FECH: variants seen among roughly 807,000 people sequenced by gnomAD.
The protein encoded by FECH is ferrochelatase, also known as ferrochelatase, mitochondrial.
FECH carries 40 observed loss-of-function variants against 56.9 expected under a neutral mutation model. The observed-to-expected ratio is 0.70, with a 90% confidence interval of 0.55 to 0.92. The LOEUF is 0.92. FECH is among the 40% of genes least tolerant of loss of function. FECH has a pLI of 0.00. For missense variants in FECH, 431 were observed against 529.1 expected (o/e 0.81, Z 1.82); for synonymous variants, 175 against 198.6 (o/e 0.88, Z 1.00).
At position 57,546,827 on chromosome 18, in the gene FECH, C is replaced by T. The variant is rs1322093610; in HGVS notation, c.*3885G>A. 3.9e-5 allele frequency among the ~76,000 whole-genome samples: 6 copies of T among 151,904 alleles called. No homozygotes were observed. The highest frequency in any genetic ancestry group is 1.2e-4 in the African/African-American group (5 of 41,344). Reference sequence around the variant, plus strand: ...TACAAAAATTAGCCGGGCATGGTGGCACACGCCTGAGTAGCCCAGCTACTC... The same window carrying T: ...TACAAAAATTAGCCGGGCATGGTGGTACACGCCTGAGTAGCCCAGCTACTC... On this transcript the variant is annotated 3_prime_UTR_variant, in exon 11 of 11. Coordinates refer to ENST00000262093, the MANE Select transcript of FECH (RefSeq NM_000140.5).
At chr18:57,551,489 G>T in intron 9 of FECH, 115 bp from the exon 10 acceptor site, 2 of 812,578 alleles carry the variant, frequency 2.5e-6, no homozygotes, top group Non-Finnish European at 4.1e-6. Context: ...ACAATTCAAA[G>T]TCTGACTTCA....
chr18:57,564,627 A>T (rs1200017798), intron 5 of FECH, among the ~76,000 whole-genome samples: 2 of 152,212 alleles, frequency 1.3e-5, no homozygotes, highest in Admixed American at 6.5e-5. Flanking sequence ...AAAAAGATAA[A>T]CAGGTTCAAT....
chr18:57,576,322 G>A (rs117214296), intron 2 of FECH, among the ~76,000 whole-genome samples: 12 of 152,278 alleles, frequency 7.9e-5, no homozygotes, highest in East Asian at 1.9e-4. Flanking sequence ...TTCCATGCTC[G>A]AGTCCTACAA....
At position 57,546,723 on chromosome 18, in the gene FECH, G is replaced by A. The variant is rs2050725303; in HGVS notation, c.*3989C>T. The stretch of plus-strand genomic sequence containing the variant: ...CGCCTGTAATCCCAACACTTTCAGA[G>A]GCTGAGGCGGGTGGATCACGAGGTC... On this transcript the variant is annotated 3_prime_UTR_variant, in exon 11 of 11. Transcript: ENST00000262093. Among the ~76,000 whole-genome samples, 1 of 151,828 alleles carries A rather than the reference G, an allele frequency of 6.6e-6. No homozygotes were observed. The highest frequency in any genetic ancestry group is 1.5e-5 in the Non-Finnish European group (1 of 67,958).
chr18:57,560,037 T>A (rs2050921987), intron 6 of FECH, among the ~76,000 whole-genome samples: 1 of 152,204 alleles, frequency 6.6e-6, no homozygotes, highest in Admixed American at 6.5e-5. Flanking sequence ...TCTCTGTCAT[T>A]TAGCTTATAA....
In FECH at chr18:57,544,946, T is replaced by C. The variant is rs1296267874; in HGVS notation, c.*5766A>G. Among the ~76,000 whole-genome samples, 1 of 152,264 alleles carries C rather than the reference T, an allele frequency of 6.6e-6. No individual in the cohort carries two copies. The highest frequency in any genetic ancestry group is 1.9e-4 in the East Asian group (1 of 5,204). ...AATTGGTTCACAAGCCAACATGCCA[T>C]GTGCCTGTGCAATCAATTCCATGCC... is the stretch of plus-strand genomic sequence containing the variant. On this transcript the variant is annotated 3_prime_UTR_variant, in exon 11 of 11. Transcript: ENST00000262093.
At chr18:57,560,413 G>A (rs1261171267) in intron 6 of FECH, among the ~76,000 whole-genome samples, 1 of 152,240 alleles carries the variant, frequency 6.6e-6, no homozygotes, top group African/African-American at 2.4e-5. Context: ...CACTTTGGGA[G>A]GCCAAGGTTG....
chr18:57,576,750 T>G (rs920290581), intron 2 of FECH, among the ~76,000 whole-genome samples: 1 of 152,210 alleles, frequency 6.6e-6, no homozygotes, highest in Non-Finnish European at 1.5e-5. Flanking sequence ...TAAATACACA[T>G]GCACTTAATT....
In FECH at chr18:57,573,350, T is replaced by C. The variant is rs975245405; in HGVS notation, c.210A>G (p.Gly70=). The C allele has an allele frequency of 1.9e-6, 3 of 1,614,064 alleles. No homozygotes were observed. Among genetic ancestry groups the C allele is most frequent in the Non-Finnish European group, 2.5e-6 (3 of 1,180,006 alleles). ...VQPQKRKPKT[G]ILMLNMGGPE... ...GGCCTCCCATGTTTAGCATTAATAT[T>C]CCAGTTTTCGGCTTCCTATATAAAA... The change falls in exon 3 of 11, where the codon GGA becomes GGG. Residue 70 remains glycine, a synonymous_variant. Coordinates refer to ENST00000262093, the MANE Select transcript of FECH (RefSeq NM_000140.5).
At position 57,547,297 on chromosome 18, in the gene FECH, G is replaced by A. The variant is rs1299088231; in HGVS notation, c.*3415C>T. Among the ~76,000 whole-genome samples, 1 of 152,114 alleles carries A rather than the reference G, an allele frequency of 6.6e-6. No individual in the cohort carries two copies. Among genetic ancestry groups the A allele is most frequent in the Non-Finnish European group, 1.5e-5 (1 of 68,022 alleles). ...AAAAAGGACATGTGATTTGGGAGGG[G>A]CCAGGGTGGAATGATATGATTTGGC... is the stretch of plus-strand genomic sequence containing the variant. On this transcript the variant is annotated 3_prime_UTR_variant, in exon 11 of 11. Coordinates refer to ENST00000262093, the MANE Select transcript of FECH (RefSeq NM_000140.5).
At position 57,576,854 on chromosome 18, in the gene FECH, G is replaced by A. The variant is rs143935326; in HGVS notation, c.194+3219C>T. ...TGTGAAGTGAAAGCTTTAGTCAAGG[G>A]TCTCCATCTCCTCTCCCTCCAGACA... On this transcript the variant is annotated intron_variant, in intron 2 of 10. Transcript: ENST00000262093. 1.6e-3 allele frequency among the ~76,000 whole-genome samples: 246 copies of A among 152,272 alleles called. 2 individuals are homozygous for A. Among genetic ancestry groups the A allele is most frequent in the African/African-American group, 5.4e-3 (224 of 41,538 alleles).
intron 2 of FECH, among the ~76,000 whole-genome samples, chr18:57,575,295 G>C (rs1355627723): frequency 6.6e-6 from 1 of 152,164 alleles, no homozygotes; most frequent in Non-Finnish European, 1.5e-5. Flanking sequence ...CCGTTATTAT[G>C]AACGCTGAGG....
intron 3 of FECH, 92 bp from the exon 4 acceptor site, chr18:57,571,632 AT>A: frequency 6.3e-7 from 1 of 1,585,378 alleles, no homozygotes; most frequent in Non-Finnish European, 8.6e-7. Context: ...AAAAAGCAAA[AT>A]TTTAGAGAGC....
rs547213372 is a variant in FECH, at chr18:57,586,387, C to T, written c.67+167G>A. Among the ~76,000 whole-genome samples the T allele has an allele frequency of 5.2e-3, 790 of 152,206 alleles. 9 individuals are homozygous for T. The highest frequency in any genetic ancestry group is 6.8e-3 in the Non-Finnish European group (465 of 67,978). On this transcript the variant is annotated intron_variant, in intron 1 of 10. Coordinates refer to ENST00000262093, the MANE Select transcript of FECH (RefSeq NM_000140.5). ...GCGGCCTCCCGAGCCCTGAGTGCTG[C>T]CCTCAGCCCTCCCTTCTCCGCGACG... is the stretch of plus-strand genomic sequence containing the variant.
intron 7 of FECH, among the ~76,000 whole-genome samples, chr18:57,556,304 T>C (rs1040502734): frequency 6.6e-6 from 1 of 152,044 alleles, no homozygotes; most frequent in Non-Finnish European, 1.5e-5. Flanking sequence ...TGCTAGGAAA[T>C]AACAAAATCT....
Position 57,548,393 on chromosome 18 carries a change from G to A in FECH, c.*2319C>T, listed in dbSNP as rs2050748299. 6.6e-6 allele frequency: 1 copy of A among 152,154 alleles called. No homozygotes were observed. The highest frequency in any genetic ancestry group is 2.4e-5 in the African/African-American group (1 of 41,420). The allele number at this position is 152,154 out of a possible 1,614,324, so 9.4% of individuals were successfully genotyped here. On this transcript the variant is annotated 3_prime_UTR_variant, in exon 11 of 11. Transcript: ENST00000262093. ...CTTTAGAAGAGCACTATACATGCAG[G>A]GACCTGGGCTTTATCATCACCCTGG...
At chr18:57,572,513 TAA>T (rs57279341) in intron 3 of FECH, among the ~76,000 whole-genome samples, 1,662 of 55,978 alleles carry the variant, frequency 0.03, 24 homozygotes, top group South Asian at 0.056. Context: ...TATACGTATG[TAA>T]AAAAAAAAAA....
At position 57,546,980 on chromosome 18, in the gene FECH, TAAG is replaced by T. The variant is rs910330648; in HGVS notation, c.*3729_*3731del. ...ATCTCAAAAAAAAAAAAAAAAAATT[TAAG>T]GAGTGCCCTGCCGGGTTTCAGACTT... On this transcript the variant is annotated 3_prime_UTR_variant, in exon 11 of 11. Coordinates refer to ENST00000262093, the MANE Select transcript of FECH (RefSeq NM_000140.5). Among the ~76,000 whole-genome samples, 2 of 151,040 alleles carry T rather than the reference TAAG, an allele frequency of 1.3e-5. No homozygotes were observed. The highest frequency in any genetic ancestry group is 4.9e-5 in the African/African-American group (2 of 40,662).
rs2050696430 is a variant in FECH at position 57,544,490 on chromosome 18, AATTCATTCTCAGAG to A, written c.*6208_*6221del. Among the ~76,000 whole-genome samples, 1 of 152,268 alleles carries A rather than the reference AATTCATTCTCAGAG, an allele frequency of 6.6e-6. No homozygotes were observed. Among genetic ancestry groups the A allele is most frequent in the African/African-American group, 2.4e-5 (1 of 41,478 alleles). ...ACTTTCCTACAAATTCCATATAGTCAATTCATTCTCAGAGAATGCTTTTGTTGATGTTTACCAAG... is the reference window on the plus strand; with the variant it reads ...ACTTTCCTACAAATTCCATATAGTCAAATGCTTTTGTTGATGTTTACCAAG... On this transcript the variant is annotated 3_prime_UTR_variant, in exon 11 of 11. Coordinates refer to ENST00000262093, the MANE Select transcript of FECH (RefSeq NM_000140.5).
Sources: allele counts gnomAD v4.1 joint callset (sites outside exome capture counted in the v4.1 genomes callset), GRCh38; gene constraint gnomAD v4.1.1; transcripts MANE v1.5; gene names NCBI Gene and HGNC (gene_info 2026-07-23, HGNC 2026-07-21).